Variants in STRIP2 observed in about 807,000 individuals in gnomAD.
STRIP2 encodes the protein striatin-interacting protein 2.
A neutral mutation model predicts 107.1 loss-of-function variants in STRIP2; 84 were observed. The observed-to-expected ratio is 0.78, with a 90% confidence interval of 0.66 to 0.94. The LOEUF (loss-of-function observed/expected upper bound fraction) is 0.94, where lower values mean the gene tolerates loss of function less well. Among genes scored for constraint, STRIP2 ranks in the 40% least tolerant of loss-of-function variants. The probability of loss-of-function intolerance (pLI) is 0.00; values close to 1 mark genes in which losing one functional copy is unlikely to be tolerated. For missense variants in STRIP2, 888 were observed against 1,034.2 expected (o/e 0.86, Z 1.94); for synonymous variants, 394 against 400.4 (o/e 0.98, Z 0.19).
At chr7:129,435,078 C>G (rs1360329239) in intron 1 of STRIP2, among the ~76,000 whole-genome samples, 1 of 152,120 alleles carries the variant, frequency 6.6e-6, no homozygotes, top group Non-Finnish European at 1.5e-5. Context: ...CTGGGCCAGC[C>G]GAGGGACTTC....
intron 4 of STRIP2, among the ~76,000 whole-genome samples, chr7:129,452,733 T>A (rs1310198267): frequency 6.6e-6 from 1 of 152,198 alleles, no homozygotes; most frequent in South Asian, 2.1e-4. Flanking sequence ...ATCCAGGAAG[T>A]GTAGGGAATC....
chr7:129,447,714 G>C (rs779272977), intron 3 of STRIP2, among the ~76,000 whole-genome samples: 9 of 152,252 alleles, frequency 5.9e-5, no homozygotes, highest in Non-Finnish European at 1.3e-4. Context: ...GGAGAAAAAG[G>C]CACTTGCCAA....
Position 129,451,717 on chromosome 7 carries a change from G to A in STRIP2, c.379G>A (p.Val127Met), listed in dbSNP as rs1562899548. ...EVVSRERRLK[V>M]ARAVLYLAQG... Reference sequence around the variant, plus strand: ...GGTCAGTAGGGAACGGCGGCTGAAGGTGGCCCGGGCTGTTCTCTACCTGGC... The same window carrying A: ...GGTCAGTAGGGAACGGCGGCTGAAGATGGCCCGGGCTGTTCTCTACCTGGC... The change falls in exon 4 of 21, where the codon GTG (valine) becomes ATG (methionine). Residue 127 changes from valine to methionine, a missense_variant. By Grantham distance (21) the Val-to-Met change is conservative (BLOSUM62 1). Coordinates refer to ENST00000249344, the MANE Select transcript of STRIP2 (RefSeq NM_020704.3). 1.2e-6 allele frequency: 2 copies of A among 1,613,962 alleles called. No individual in the cohort carries two copies. The highest frequency in any genetic ancestry group is 1.7e-6 in the Non-Finnish European group (2 of 1,180,034).
intron 15 of STRIP2, among the ~76,000 whole-genome samples, 156 bp from the exon 16 acceptor site, chr7:129,464,456 A>G (rs1798621847): frequency 6.6e-6 from 1 of 152,090 alleles, no homozygotes. Flanking sequence ...AGATAGGCTC[A>G]TAAGTGGGAA....
intron 17 of STRIP2, among the ~76,000 whole-genome samples, chr7:129,469,151 C>G (rs1185088649): frequency 1.3e-5 from 2 of 152,112 alleles, no homozygotes; most frequent in Non-Finnish European, 1.5e-5. Context: ...ACCCATGGAC[C>G]TAGAATGGGA....
intron 20 of STRIP2, among the ~76,000 whole-genome samples, chr7:129,484,973 C>G (rs564068373): frequency 1.3e-4 from 20 of 152,140 alleles, no homozygotes; most frequent in Non-Finnish European, 2.8e-4. Flanking sequence ...TTTTTACCTT[C>G]ATTGAAGCCG....
intron 3 of STRIP2, among the ~76,000 whole-genome samples, chr7:129,445,158 G>A (rs776133484): frequency 1.3e-5 from 2 of 152,034 alleles, no homozygotes; most frequent in East Asian, 1.9e-4. Context: ...GTTTCCCATC[G>A]ACCTTAATCA....
chr7:129,464,153 A>G lies in STRIP2; in HGVS notation c.1649+12A>G. ...CCTGAGGAGATGCCGTGAGTGCTTC[A>G]ACGGGGGCAGCTGCTGGATACTAGC... On this transcript the variant is annotated intron_variant, in intron 15 of 20. Transcript: ENST00000249344. The G allele has an allele frequency of 6.3e-7, 1 of 1,597,048 alleles. No homozygotes were observed. The highest frequency in any genetic ancestry group is 8.6e-7 in the Non-Finnish European group (1 of 1,168,552).
chr7:129,453,492 C>G (rs1026276309), intron 5 of STRIP2, 145 bp downstream of exon 5: 2 of 1,015,596 alleles, frequency 2.0e-6, no homozygotes, highest in Non-Finnish European at 2.8e-6. Context: ...ATTGACAGTT[C>G]CCCTCCATCC....
intron 3 of STRIP2, among the ~76,000 whole-genome samples, chr7:129,446,623 G>A (rs1165742286): frequency 6.6e-6 from 1 of 152,156 alleles, no homozygotes; most frequent in Non-Finnish European, 1.5e-5. Flanking sequence ...AGAACCATCT[G>A]TAAACCAGGC....
chr7:129,440,148 G>C, intron 2 of STRIP2, 57 bp downstream of exon 2: 23 of 1,394,912 alleles, frequency 1.6e-5, no homozygotes, highest in Non-Finnish European at 2.3e-5. Flanking sequence ...AGAGGGAAGG[G>C]GCCTGTGATC....
intron 16 of STRIP2, among the ~76,000 whole-genome samples, chr7:129,465,772 C>T (rs1584957919): frequency 6.6e-6 from 1 of 152,246 alleles, no homozygotes; most frequent in Admixed American, 6.5e-5. Context: ...AAGATGGGGA[C>T]AGCAAATGGA....
chr7:129,470,316 T>G (rs1798761656), intron 17 of STRIP2, among the ~76,000 whole-genome samples: 1 of 152,224 alleles, frequency 6.6e-6, no homozygotes, highest in African/African-American at 2.4e-5. Context: ...TATTCACACA[T>G]ACAGTTAAAT....
At chr7:129,451,347 C>T (rs747116439) in intron 3 of STRIP2, among the ~76,000 whole-genome samples, 2 of 152,096 alleles carry the variant, frequency 1.3e-5, no homozygotes, top group Non-Finnish European at 2.9e-5. Flanking sequence ...GAGGGAACTC[C>T]TTGAGGAAAG....
At chr7:129,455,121 G>A in intron 7 of STRIP2, 123 bp from the exon 8 acceptor site, 3 of 1,223,186 alleles carry the variant, frequency 2.5e-6, no homozygotes, top group Non-Finnish European at 3.4e-6. Context: ...TCAGGACCAA[G>A]TACTCTGGTA....
At chr7:129,481,048 A>AT (rs1228695649) in intron 19 of STRIP2, among the ~76,000 whole-genome samples, 159 bp downstream of exon 19, 1 of 152,218 alleles carries the variant, frequency 6.6e-6, no homozygotes, top group Non-Finnish European at 1.5e-5. Flanking sequence ...CTTATTCTAT[A>AT]TTAGATGATT....
intron 18 of STRIP2, among the ~76,000 whole-genome samples, chr7:129,472,728 C>T (rs1798816557): frequency 2.8e-5 from 4 of 142,664 alleles, no homozygotes; most frequent in East Asian, 4.3e-4. Context: ...ATTGCAAGCA[C>T]AGAAAATGTA....
rs754137296 is a variant in STRIP2 at position 129,456,643 on chromosome 7, G to C, written c.1038+1G>C. The stretch of plus-strand genomic sequence containing the variant: ...GCGAGGCCGCCGTGGCTCTCGAAGG[G>C]TATGGACTGAAGCAGACAATGGTAT... On this transcript the variant is annotated splice_donor_variant, in intron 9 of 20. Coordinates refer to ENST00000249344, the MANE Select transcript of STRIP2 (RefSeq NM_020704.3). LOFTEE classifies it high-confidence loss of function. The C allele has an allele frequency of 1.2e-6, 2 of 1,613,446 alleles. No homozygotes were observed. Among genetic ancestry groups the C allele is most frequent in the East Asian group, 2.2e-5 (1 of 44,870 alleles).
intron 15 of STRIP2, 137 bp downstream of exon 15, chr7:129,464,278 C>T (rs1207694688): frequency 1.3e-5 from 9 of 714,852 alleles, no homozygotes; most frequent in Middle Eastern, 3.9e-4. Flanking sequence ...CCAGTACCCC[C>T]TTTCCCGTAC....
Sources: gnomAD v4.1 joint callset for allele counts (sites outside exome capture counted in the v4.1 genomes callset) on GRCh38, gnomAD v4.1.1 for gene constraint, MANE v1.5 for transcripts, NCBI Gene and HGNC (gene_info 2026-07-23, HGNC 2026-07-21) for gene names.